RCAN2: variants seen among roughly 807,000 people sequenced by gnomAD.
RCAN2 encodes the protein calcipressin-2.
Under a neutral mutation model 23.6 loss-of-function variants are expected in RCAN2, and 9 were observed. The observed-to-expected ratio is 0.38, with a 90% CI of 0.23 to 0.67. The LOEUF (loss-of-function observed/expected upper bound fraction) is 0.67, where lower values mean the gene tolerates loss of function less well. Ranked by LOEUF, RCAN2 falls within the 30% of genes least tolerant of loss-of-function variation. The pLI, the probability that RCAN2 is intolerant of heterozygous loss-of-function variation, is 0.51. For missense variants in RCAN2, 273 were observed against 302.3 expected (o/e 0.90, Z 0.72); for synonymous variants, 109 against 115.7 (o/e 0.94, Z 0.37).
At chr6:46,394,559 C>T (rs998701480) in intron 2 of RCAN2, among the ~76,000 whole-genome samples, 16 of 152,106 alleles carry the variant, frequency 1.1e-4, no homozygotes, top group Admixed American at 9.8e-4. Flanking sequence ...CGAGATATTG[C>T]TATACTTTCA....
chr6:46,356,468 C>T (rs769361277), intron 2 of RCAN2, among the ~76,000 whole-genome samples: 3 of 152,058 alleles, frequency 2.0e-5, no homozygotes, highest in African/African-American at 4.8e-5. Flanking sequence ...TTTTTTCCTA[C>T]GTGTCCTCAA....
At position 46,456,777 on chromosome 6, in the gene RCAN2, G is replaced by T; in HGVS notation, c.200C>A (p.Ser67Ter). The change falls in exon 2 of 5, where the codon TCA becomes TAA. Residue 67 changes from serine to a stop codon, truncating the protein, a stop_gained. Coordinates refer to ENST00000371374, the MANE Select transcript of RCAN2 (RefSeq NM_001251974.2). LOFTEE classifies it high-confidence loss of function. ...NSLFACNVHQ[S>*]VFEGEESKEK... ...CTTGCTCTCTTCTCCTTCAAACACT[G>T]ACTGGTGAACATTGCACGCAAACAA... is the stretch of plus-strand genomic sequence containing the variant. 1 of 1,550,812 alleles carries T rather than the reference G, an allele frequency of 6.4e-7. No individual in the cohort carries two copies. The highest frequency in any genetic ancestry group is 1.2e-5 in the South Asian group (1 of 84,040).
At chr6:46,369,610 T>C (rs1206999658) in intron 2 of RCAN2, among the ~76,000 whole-genome samples, 2 of 152,134 alleles carry the variant, frequency 1.3e-5, no homozygotes, top group Non-Finnish European at 2.9e-5. Context: ...TAAAATGTCA[T>C]TATGGAGCAC....
chr6:46,489,951 T>C (rs2150452193), intron 1 of RCAN2, among the ~76,000 whole-genome samples: 1 of 152,332 alleles, frequency 6.6e-6, no homozygotes, highest in South Asian at 2.1e-4. Flanking sequence ...CTCTCCTGCC[T>C]AGTTGACAGT....
At chr6:46,367,602 T>C (rs1410749965) in intron 2 of RCAN2, among the ~76,000 whole-genome samples, 6 of 152,212 alleles carry the variant, frequency 3.9e-5, no homozygotes, top group Non-Finnish European at 7.3e-5. Context: ...TCTTTTATTT[T>C]CTTTTTCAGA....
chr6:46,350,918 C>G, intron 2 of RCAN2, among the ~76,000 whole-genome samples: 1 of 152,148 alleles, frequency 6.6e-6, no homozygotes, highest in Non-Finnish European at 1.5e-5. Context: ...CCCAAACTGC[C>G]TCTCATGAGA....
chr6:46,410,964 A>G (rs1418863298), intron 2 of RCAN2, among the ~76,000 whole-genome samples: 1 of 152,206 alleles, frequency 6.6e-6, no homozygotes, highest in East Asian at 1.9e-4. Context: ...GGCAGGTCCA[A>G]GTTTGCCCAT....
At chr6:46,382,379 A>G (rs889717334) in intron 2 of RCAN2, among the ~76,000 whole-genome samples, 1 of 152,196 alleles carries the variant, frequency 6.6e-6, no homozygotes, top group Non-Finnish European at 1.5e-5. Flanking sequence ...TAGGTAATGG[A>G]AACTACATAC....
In RCAN2 at chr6:46,287,099, G is replaced by C. The variant is rs1205406266; in HGVS notation, c.226-38203C>G. On this transcript the variant is annotated intron_variant, in intron 2 of 4. Coordinates refer to ENST00000371374, the MANE Select transcript of RCAN2 (RefSeq NM_001251974.2). Reference sequence around the variant, plus strand: ...ATCTAGGAAGTGACTGGCAGAGCCTGCTATCATGCCATGGTGGAGAATGGG... The same window carrying C: ...ATCTAGGAAGTGACTGGCAGAGCCTCCTATCATGCCATGGTGGAGAATGGG... Among the ~76,000 whole-genome samples, 3 of 152,164 alleles carry C rather than the reference G, an allele frequency of 2.0e-5. No homozygotes were observed. The East Asian group carries it at 5.8e-4, about 29-fold the overall frequency.
At position 46,310,591 on chromosome 6, in the gene RCAN2, T is replaced by C. The variant is rs148831647; in HGVS notation, c.226-61695A>G. Among the ~76,000 whole-genome samples, 239 of 152,184 alleles carry C rather than the reference T, an allele frequency of 1.6e-3. 3 individuals are homozygous for C. Among genetic ancestry groups the C allele is most frequent in the Admixed American group, 0.014 (212 of 15,300 alleles). ...TACTTCTTCCAAAGAAATCTCTTAG[T>C]GGAATTAATACTGATTGTTGCTGGC... On this transcript the variant is annotated intron_variant, in intron 2 of 4. Coordinates refer to ENST00000371374, the MANE Select transcript of RCAN2 (RefSeq NM_001251974.2).
At chr6:46,410,281 C>T (rs1251363356) in intron 2 of RCAN2, among the ~76,000 whole-genome samples, 6 of 152,170 alleles carry the variant, frequency 3.9e-5, no homozygotes, top group African/African-American at 9.7e-5. Flanking sequence ...GGGACTTAGC[C>T]TTCATCATTG....
chr6:46,369,531 G>A lies in RCAN2; in HGVS notation c.225+87221C>T, dbSNP rs543352339. On this transcript the variant is annotated intron_variant, in intron 2 of 4. Coordinates refer to ENST00000371374, the MANE Select transcript of RCAN2 (RefSeq NM_001251974.2). ...GTTAGGATGGCTACCACATCACTAGGTAACAGAAATTTTTCTGTTCCATTA... is the reference window on the plus strand; with the variant it reads ...GTTAGGATGGCTACCACATCACTAGATAACAGAAATTTTTCTGTTCCATTA... Among the ~76,000 whole-genome samples the A allele has an allele frequency of 4.6e-5, 7 of 152,196 alleles. No individual in the cohort carries two copies. In the East Asian group the frequency reaches 1.4e-3, roughly 29 times the overall value.
chr6:46,300,438 T>C (rs944050042), intron 2 of RCAN2, among the ~76,000 whole-genome samples: 3 of 151,912 alleles, frequency 2.0e-5, no homozygotes, highest in Non-Finnish European at 4.4e-5. Flanking sequence ...ATAGAAATGG[T>C]ATATAAAATT....
At chr6:46,299,792 G>T (rs1442217) in intron 2 of RCAN2, among the ~76,000 whole-genome samples, 107,800 of 150,012 alleles carry the variant, frequency 0.72, 40,053 homozygotes, top group Non-Finnish European at 0.83. Context: ...AAATATAAAA[G>T]TTCTTATAAT....
intron 2 of RCAN2, among the ~76,000 whole-genome samples, chr6:46,383,658 C>T (rs1165059317): frequency 2.6e-5 from 4 of 151,942 alleles, no homozygotes; most frequent in Non-Finnish European, 5.9e-5. Flanking sequence ...AATAAAATAC[C>T]ATTTAAAAAT....
chr6:46,421,121 C>T (rs1221065329), intron 2 of RCAN2, among the ~76,000 whole-genome samples: 3 of 152,160 alleles, frequency 2.0e-5, no homozygotes, highest in African/African-American at 7.2e-5. Context: ...ACCATCCCAG[C>T]ATTGAGCAAG....
At chr6:46,270,409 T>C (rs1767484483) in intron 2 of RCAN2, among the ~76,000 whole-genome samples, 2 of 152,224 alleles carry the variant, frequency 1.3e-5, no homozygotes, top group Admixed American at 6.5e-5. Context: ...CTGATTCCTG[T>C]GGAGGGTTCC....
At chr6:46,365,505 A>AAAGAG (rs1282468287) in intron 2 of RCAN2, among the ~76,000 whole-genome samples, 10 of 95,194 alleles carry the variant, frequency 1.1e-4, no homozygotes, top group Non-Finnish European at 2.3e-4. Context: ...AAAGAAAAGA[A>AAAGAG]AAAGAAAAAG....
intron 2 of RCAN2, among the ~76,000 whole-genome samples, chr6:46,299,303 A>G (rs1762830500): frequency 6.6e-6 from 1 of 152,062 alleles, no homozygotes; most frequent in South Asian, 2.1e-4. Context: ...TCATCAATGC[A>G]TATGGATTTC....
Sources: allele counts gnomAD v4.1 joint callset (sites outside exome capture counted in the v4.1 genomes callset), GRCh38; gene constraint gnomAD v4.1.1; transcripts MANE v1.5; gene names NCBI Gene and HGNC (gene_info 2026-07-23, HGNC 2026-07-21).